CELF2: variants seen among roughly 807,000 people sequenced by gnomAD.
CELF2 encodes CUG triplet repeat RNA-binding protein 2.
In CELF2, 8 loss-of-function variants were observed where a neutral mutation model predicts 62.6. The ratio of observed to expected loss-of-function variants is 0.13; its 90% confidence interval spans 0.07 to 0.23. CELF2 has a LOEUF of 0.23. CELF2 is among the 10% of genes least tolerant of loss of function. The probability of loss-of-function intolerance (pLI) is 1.00; values close to 1 mark genes in which losing one functional copy is unlikely to be tolerated. For missense variants in CELF2, 333 were observed against 671.0 expected (o/e 0.50, Z 5.56); for synonymous variants, 258 against 250.0 (o/e 1.03, Z -0.30).
intron 1 of CELF2, among the ~76,000 whole-genome samples, chr10:11,069,891 C>T (rs1038898165): frequency 2.0e-5 from 3 of 152,188 alleles, no homozygotes; most frequent in Non-Finnish European, 4.4e-5. Flanking sequence ...ATTAGAGCTA[C>T]GTTCAAACCT....
the CELF2 span, among the ~76,000 whole-genome samples, chr10:10,719,447 G>A: frequency 5.8e-3 from 886 of 152,012 alleles, 2 homozygotes; most frequent in Non-Finnish European, 8.2e-3. Context: ...GTTGTTTTTC[G>A]TAGAGATGGG....
At chr10:10,794,339 C>T (rs115379840), upstream of CELF2, among the ~76,000 whole-genome samples, 662 of 151,462 alleles carry the variant, frequency 4.4e-3, 4 homozygotes, top group African/African-American at 0.016. Context: ...AGGCAAGAGC[C>T]GGCAAAAATA....
intron 1 of CELF2, among the ~76,000 whole-genome samples, chr10:11,087,105 C>T (rs1174946095): frequency 6.6e-6 from 1 of 152,134 alleles, no homozygotes; most frequent in Non-Finnish European, 1.5e-5. Context: ...AAATATAAAG[C>T]ACTGTGACAT....
intron 1 of CELF2, among the ~76,000 whole-genome samples, chr10:11,094,342 C>T (rs898966250): frequency 2.0e-5 from 3 of 152,106 alleles, no homozygotes; most frequent in African/African-American, 7.2e-5. Context: ...CCAAATTAGC[C>T]GTGGTTATAG....
intron 8 of CELF2, among the ~76,000 whole-genome samples, chr10:11,284,777 ATGGATGGATGG>A (rs1414840248): frequency 1.0e-4 from 15 of 142,974 alleles, no homozygotes; most frequent in South Asian, 2.3e-4. Flanking sequence ...ATGTGGGTGG[ATGGATGGATGG>A]TGGATGGATG....
At chr10:11,042,437 A>T (rs1188660324) in intron 1 of CELF2, among the ~76,000 whole-genome samples, 1 of 152,212 alleles carries the variant, frequency 6.6e-6, no homozygotes, top group Non-Finnish European at 1.5e-5. Flanking sequence ...GTTTCTTCTA[A>T]CAGCATAGAC....
In CELF2 at chr10:11,018,137, G is replaced by C; in HGVS notation, c.48G>C (p.Glu16Asp). 1 of 1,523,832 alleles carries C rather than the reference G, an allele frequency of 6.6e-7. No individual in the cohort carries two copies. Among genetic ancestry groups the C allele is most frequent in the Non-Finnish European group, 8.8e-7 (1 of 1,133,628 alleles). 94.4% of individuals were successfully genotyped at this position (1,523,832 alleles called of 1,614,324 possible). A position where few individuals can be genotyped will look rare whatever the true frequency, so the allele number is the denominator to read the frequency against. ...ATTTCCTCCCGGACATGATGGTCGA[G>C]GGCCGCCTGCTCGTTCCTGACAGAA... ...KLDFLPDMMV[E>D]GRLLVPDRIN... Residue 16 changes from glutamate (E) to aspartate (D), a missense_variant, in exon 1 of 13, where the codon GAG becomes GAC. Around this residue, in one of 3 missense-constraint regions of CELF2, gnomAD observed 45 missense variants for 39.8 expected, o/e 1.13. Transcript: ENST00000633077.
At chr10:10,526,060 T>C in the CELF2 span, among the ~76,000 whole-genome samples, 1 of 152,210 alleles carries the variant, frequency 6.6e-6, no homozygotes, top group Non-Finnish European at 1.5e-5. Context: ...TGCATCTCCC[T>C]GATGATTAGT....
chr10:10,821,394 A>G (rs551050521), intron 1 of CELF2, among the ~76,000 whole-genome samples: 2 of 152,326 alleles, frequency 1.3e-5, no homozygotes, highest in South Asian at 4.1e-4. Flanking sequence ...GAAAGGCGAG[A>G]GTACCAGGGA....
intron 1 of CELF2, among the ~76,000 whole-genome samples, chr10:10,851,378 C>A (rs184004467): frequency 1.3e-5 from 2 of 152,268 alleles, no homozygotes; most frequent in Non-Finnish European, 2.9e-5. Flanking sequence ...GATGATGGAA[C>A]AATTAGACAT....
At chr10:11,283,269 G>T (rs1288127417) in intron 8 of CELF2, among the ~76,000 whole-genome samples, 1 of 152,180 alleles carries the variant, frequency 6.6e-6, no homozygotes, top group Non-Finnish European at 1.5e-5. Context: ...CTGAATCTGG[G>T]CCTATTTCAA....
chr10:10,926,717 A>G (rs191834558), intron 2 of CELF2, among the ~76,000 whole-genome samples: 74 of 152,240 alleles, frequency 4.9e-4, no homozygotes, highest in Non-Finnish European at 9.9e-4. Flanking sequence ...GGTTTCTGGT[A>G]TTCTCAGCCT....
chr10:10,817,471 C>T (rs1164325806), intron 1 of CELF2, among the ~76,000 whole-genome samples: 2 of 152,138 alleles, frequency 1.3e-5, no homozygotes, highest in African/African-American at 4.8e-5. Flanking sequence ...CCCCAACCCC[C>T]GCATTACGCT....
chr10:10,602,062 C>T, the CELF2 span, among the ~76,000 whole-genome samples: 6 of 152,178 alleles, frequency 3.9e-5, no homozygotes, highest in Admixed American at 2.6e-4. Flanking sequence ...CTGCAAAGGA[C>T]ATGATCTCAT....
chr10:11,027,336 G>A (rs896344655), intron 1 of CELF2, among the ~76,000 whole-genome samples: 12 of 152,068 alleles, frequency 7.9e-5, no homozygotes, highest in African/African-American at 1.7e-4. Flanking sequence ...GAAAGTTGCC[G>A]CCAGCATCAA....
chr10:11,261,034 A>T (rs147343978), intron 5 of CELF2, among the ~76,000 whole-genome samples: 37 of 152,360 alleles, frequency 2.4e-4, no homozygotes, highest in African/African-American at 8.2e-4. Flanking sequence ...ATTAAGTGAA[A>T]CAAAAGCATG....
chr10:10,956,547 A>G (rs1191303033), intron 2 of CELF2, among the ~76,000 whole-genome samples: 9 of 152,158 alleles, frequency 5.9e-5, no homozygotes, highest in African/African-American at 1.9e-4. Flanking sequence ...CCTCACTGTT[A>G]ACTTCTCTAC....
chr10:11,135,831 T>A (rs1481763441), intron 1 of CELF2, among the ~76,000 whole-genome samples: 1 of 151,230 alleles, frequency 6.6e-6, no homozygotes, highest in Non-Finnish European at 1.5e-5. Flanking sequence ...CTGAGGTCTG[T>A]AAATAATGTG....
At chr10:10,932,368 A>G (rs2066165199) in intron 2 of CELF2, among the ~76,000 whole-genome samples, 2 of 152,174 alleles carry the variant, frequency 1.3e-5, no homozygotes, top group South Asian at 4.1e-4. Flanking sequence ...ATTTATGTAT[A>G]CTGGAAAATT....
Sources: allele counts gnomAD v4.1 joint callset (sites outside exome capture counted in the v4.1 genomes callset), GRCh38; gene constraint gnomAD v4.1.1; regional missense constraint gnomAD v4.1.1; transcripts MANE v1.5; gene names NCBI Gene and HGNC (gene_info 2026-07-23, HGNC 2026-07-21).